PRDM11: variants seen among roughly 807,000 people sequenced by gnomAD.
PRDM11 encodes the protein PR domain-containing protein 11.
Under a neutral mutation model 97.8 loss-of-function variants are expected in PRDM11, and 20 were observed. That is an observed-to-expected ratio of 0.20 (90% CI 0.14 to 0.30). PRDM11 has a LOEUF of 0.30. Ranked by LOEUF, PRDM11 falls within the 10% of genes least tolerant of loss-of-function variation. PRDM11 has a pLI of 1.00. For missense variants in PRDM11, 1,139 were observed against 1,555.2 expected, an observed-to-expected ratio of 0.73 and a Z score of 4.50; for synonymous variants, 599 against 637.7, an observed-to-expected ratio of 0.94 and a Z score of 0.91.
At chr11:45,137,646 G>T (rs1295134021) in intron 1 of PRDM11, among the ~76,000 whole-genome samples, 2 of 152,178 alleles carry the variant, frequency 1.3e-5, no homozygotes, top group South Asian at 2.1e-4. Flanking sequence ...TACTCAGGAG[G>T]CTGAGATGGG....
At chr11:45,182,721 TG>T in intron 3 of PRDM11, 139 bp from the exon 4 acceptor site, 1 of 1,050,104 alleles carries the variant, frequency 9.5e-7, no homozygotes, top group Non-Finnish European at 1.4e-6. Context: ...AGGGAGAGTA[TG>T]GGTTATTGCT....
At chr11:45,154,685 C>T (rs1033989923) in intron 1 of PRDM11, among the ~76,000 whole-genome samples, 1 of 152,084 alleles carries the variant, frequency 6.6e-6, no homozygotes, top group Non-Finnish European at 1.5e-5. Context: ...CTACCTCATC[C>T]GATCCATAAG....
chr11:45,225,000 G>T (rs1854238068), intron 7 of PRDM11, 157 bp downstream of exon 7: 1 of 1,492,964 alleles, frequency 6.7e-7, no homozygotes, highest in Non-Finnish European at 8.9e-7. Context: ...CAGGTCCTCA[G>T]TGTCTCTGGC....
intron 1 of PRDM11, among the ~76,000 whole-genome samples, chr11:45,128,797 C>T (rs1363518869): frequency 6.6e-6 from 1 of 152,102 alleles, no homozygotes; most frequent in Admixed American, 6.5e-5. Context: ...CACCTCCAAA[C>T]TTGCTTTACA....
At chr11:45,199,744 C>T (rs1259526980) in intron 4 of PRDM11, among the ~76,000 whole-genome samples, 8 of 152,190 alleles carry the variant, frequency 5.3e-5, no homozygotes, top group Non-Finnish European at 1.2e-4. Context: ...AATAGGAAGC[C>T]CACAGCCTGC....
intron 5 of PRDM11, among the ~76,000 whole-genome samples, chr11:45,207,027 C>T (rs1256930271): frequency 6.6e-6 from 1 of 152,170 alleles, no homozygotes; most frequent in Non-Finnish European, 1.5e-5. Context: ...TGTTCTGCTC[C>T]CAGCCTGTCC....
chr11:45,134,701 G>GAAAAAAAAAAAAAAAAAAAAAA lies in PRDM11; in HGVS notation c.96+38804_96+38825dup, dbSNP rs1191008824. ...GCAACAGAGTGAGACCCTGTCTCAC[G>GAAAAAAAAAAAAAAAAAAAAAA]AAAAAAAAAAAAAAAAAAAAAAAAA... On this transcript the variant is annotated intron_variant, in intron 1 of 6. Transcript: ENST00000530656. 3.2e-4 allele frequency among the ~76,000 whole-genome samples: 14 copies of GAAAAAAAAAAAAAAAAAAAAAA among 44,266 alleles called. 2 individuals are homozygous for GAAAAAAAAAAAAAAAAAAAAAA. The highest frequency in any genetic ancestry group is 1.3e-3 in the African/African-American group (12 of 9,404). The allele number at this position is 44,266 out of a possible 152,430, so 29.0% of individuals were successfully genotyped here.
chr11:45,117,137 T>C (rs1852319310), intron 1 of PRDM11, among the ~76,000 whole-genome samples: 1 of 149,472 alleles, frequency 6.7e-6, no homozygotes, highest in Admixed American at 6.7e-5. Flanking sequence ...GACAGGAGAA[T>C]TGCTTGAACC....
At chr11:45,198,494 T>C (rs899983462) in intron 4 of PRDM11, among the ~76,000 whole-genome samples, 6 of 152,236 alleles carry the variant, frequency 3.9e-5, no homozygotes, top group Non-Finnish European at 7.3e-5. Context: ...TATGAAGAAA[T>C]GCAGGATTGA....
At chr11:45,200,409 G>T (rs1853285850) in intron 4 of PRDM11, among the ~76,000 whole-genome samples, 1 of 152,192 alleles carries the variant, frequency 6.6e-6, no homozygotes, top group South Asian at 2.1e-4. Context: ...AACAGTGACT[G>T]TTCACTGAGT....
intron 5 of PRDM11, among the ~76,000 whole-genome samples, chr11:45,210,615 C>T (rs1185426333): frequency 6.6e-6 from 1 of 152,328 alleles, no homozygotes; most frequent in South Asian, 2.1e-4. Context: ...TGCACCTTCC[C>T]TTCCCGGGCC....
intron 3 of PRDM11, 123 bp downstream of exon 3, chr11:45,182,472 C>A: frequency 2.2e-6 from 2 of 896,220 alleles, no homozygotes; most frequent in Non-Finnish European, 3.4e-6. Flanking sequence ...AGGCCCAGGT[C>A]CAGGCCTTGG....
At chr11:45,223,015 A>G (rs1257721160) in intron 6 of PRDM11, among the ~76,000 whole-genome samples, 1 of 152,186 alleles carries the variant, frequency 6.6e-6, no homozygotes, top group Non-Finnish European at 1.5e-5. Context: ...TATGTTGGTA[A>G]TTTTTAAAGA....
intron 1 of PRDM11, among the ~76,000 whole-genome samples, chr11:45,131,810 A>T (rs1852727266): frequency 6.6e-6 from 1 of 152,246 alleles, no homozygotes; most frequent in African/African-American, 2.4e-5. Context: ...AAATAAGGGC[A>T]GATTATTATC....
At chr11:45,157,015 A>G (rs1327098443) in intron 1 of PRDM11, among the ~76,000 whole-genome samples, 1 of 151,874 alleles carries the variant, frequency 6.6e-6, no homozygotes, top group Non-Finnish European at 1.5e-5. Flanking sequence ...AGGGCCTTGA[A>G]TGCTGTGTGA....
intron 1 of PRDM11, among the ~76,000 whole-genome samples, chr11:45,170,566 G>A (rs762085581): frequency 2.0e-5 from 3 of 151,444 alleles, no homozygotes; most frequent in Non-Finnish European, 2.9e-5. Context: ...TGGCTGTGAT[G>A]TGGGGTGGGG....
chr11:45,197,117 ATTGT>A (rs910793245), intron 4 of PRDM11, among the ~76,000 whole-genome samples: 35 of 152,152 alleles, frequency 2.3e-4, no homozygotes, highest in African/African-American at 8.4e-4. Context: ...GGAATTTAGG[ATTGT>A]TTGTCAACAT....
chr11:45,104,833 C>A (rs1852033723), intron 1 of PRDM11, among the ~76,000 whole-genome samples: 1 of 152,168 alleles, frequency 6.6e-6, no homozygotes, highest in Non-Finnish European at 1.5e-5. Flanking sequence ...GAGTTGGGTT[C>A]TCGATGCCTT....
At chr11:45,160,344 C>A (rs898437682) in intron 1 of PRDM11, among the ~76,000 whole-genome samples, 1 of 152,094 alleles carries the variant, frequency 6.6e-6, no homozygotes, top group Non-Finnish European at 1.5e-5. Context: ...GAAAAAAAAT[C>A]AAATATTAAC....
Sources: allele counts gnomAD v4.1 joint callset (sites outside exome capture counted in the v4.1 genomes callset), GRCh38; gene constraint gnomAD v4.1.1; transcripts MANE v1.5; gene names NCBI Gene and HGNC (gene_info 2026-07-23, HGNC 2026-07-21).